Variants in ZNF680 observed in about 807,000 individuals in gnomAD.
The protein encoded by ZNF680 is zinc finger protein 680, also known as hypothetical protein FLJ90430.
In ZNF680, 6 loss-of-function variants were observed where a neutral mutation model predicts 12.1. The observed-to-expected ratio is 0.49, with a 90% CI of 0.27 to 0.98. ZNF680 has a LOEUF of 0.98. ZNF680 is among the 50% of genes least tolerant of loss of function. ZNF680 has a pLI of 0.12. For missense variants in ZNF680, 561 were observed against 616.3 expected (o/e 0.91, Z 0.95); for synonymous variants, 170 against 199.3 (o/e 0.85, Z 1.24).
In ZNF680 at chr7:64,522,379, A is replaced by T; in HGVS notation, c.375T>A (p.Ser125Arg). ...CCTTAGACTCATCCACACTTTTACA[A>T]CTTATTCTTAATTGTAAATTCTCAT... The part of the protein sequence containing the change: ...CGHENLQLRI[S>R]CKSVDESKVF... Residue 125 changes from serine (S) to arginine (R), a missense_variant, in exon 4 of 4, where the codon AGT becomes AGA. By Grantham distance (110) the Ser-to-Arg change is moderately radical. Transcript: ENST00000309683. 4.3e-6 allele frequency: 7 copies of T among 1,611,732 alleles called. No homozygotes were observed. Among genetic ancestry groups the T allele is most frequent in the Non-Finnish European group, 5.9e-6 (7 of 1,178,942 alleles).
intron 1 of ZNF680, among the ~76,000 whole-genome samples, chr7:64,547,599 T>C (rs902740678): frequency 2.9e-4 from 44 of 152,192 alleles, no homozygotes; most frequent in African/African-American, 7.2e-5. Context: ...GAGCCCAGGA[T>C]TTTTATTTCT....
At chr7:64,502,301 T>G in the ZNF680 span, among the ~76,000 whole-genome samples, 102,920 of 151,956 alleles carry the variant, frequency 0.68, 35,846 homozygotes, top group African/African-American at 0.85. Context: ...ATGAGCCACC[T>G]TGCCCGGCCG....
chr7:64,555,588 A>G (rs1223806921), intron 1 of ZNF680, among the ~76,000 whole-genome samples: 1 of 152,192 alleles, frequency 6.6e-6, no homozygotes, highest in East Asian at 1.9e-4. Flanking sequence ...AACATCATGA[A>G]TAAAAGAATG....
the ZNF680 span, among the ~76,000 whole-genome samples, chr7:64,507,578 CGCAA>C: frequency 2.0e-5 from 3 of 151,224 alleles, no homozygotes; most frequent in Admixed American, 2.0e-4. Context: ...AATGGCTCAC[CGCAA>C]CCTCTGTCTC....
At chr7:64,510,207 G>A in the ZNF680 span, among the ~76,000 whole-genome samples, 2 of 134,582 alleles carry the variant, frequency 1.5e-5, no homozygotes, top group South Asian at 2.4e-4. Flanking sequence ...TTAAAGTCTT[G>A]GTGATCCCAT....
At chr7:64,562,101 G>T (rs1396149017) in intron 1 of ZNF680, among the ~76,000 whole-genome samples, 1 of 151,094 alleles carries the variant, frequency 6.6e-6, no homozygotes, top group Non-Finnish European at 1.5e-5. Flanking sequence ...GCATGGTGGC[G>T]GGCGCCTGTA....
At chr7:64,503,856 G>A in the ZNF680 span, among the ~76,000 whole-genome samples, 1 of 152,144 alleles carries the variant, frequency 6.6e-6, no homozygotes, top group Non-Finnish European at 1.5e-5. Context: ...AATGTGGGTA[G>A]AGCTGAGAAT....
At chr7:64,541,772 G>A (rs978128878) in intron 3 of ZNF680, among the ~76,000 whole-genome samples, 1 of 152,188 alleles carries the variant, frequency 6.6e-6, no homozygotes, top group Non-Finnish European at 1.5e-5. Context: ...GTCTGGGAGA[G>A]ACCGTGCCCT....
At chr7:64,535,957 CACAA>C (rs535503700) in intron 3 of ZNF680, among the ~76,000 whole-genome samples, 226 of 151,956 alleles carry the variant, frequency 1.5e-3, no homozygotes, top group Non-Finnish European at 2.5e-3. Context: ...AAAACAAAAA[CACAA>C]ACAAACAAAT....
At chr7:64,525,991 A>C in intron 3 of ZNF680, 4 of 985,174 alleles carry the variant, frequency 4.1e-6, no homozygotes, top group Non-Finnish European at 3.6e-6. Context: ...CACTGTCTTA[A>C]ATTTTACAGA....
intron 1 of ZNF680, among the ~76,000 whole-genome samples, chr7:64,544,829 C>G (rs1427326424): frequency 6.6e-6 from 1 of 152,122 alleles, no homozygotes; most frequent in African/African-American, 2.4e-5. Flanking sequence ...GTACAATAAA[C>G]TGAAGATCTT....
In ZNF680 at chr7:64,529,085, C is replaced by T. The variant is rs188803202; in HGVS notation, c.254-6585G>A. ...CCTAGAAGGGAGATAACAATCAATACAGCTCGGCTCTCAGGAAGCCACATC... is the reference window on the plus strand; with the variant it reads ...CCTAGAAGGGAGATAACAATCAATATAGCTCGGCTCTCAGGAAGCCACATC... On this transcript the variant is annotated intron_variant, in intron 3 of 3. Transcript: ENST00000309683. Among the ~76,000 whole-genome samples the T allele has an allele frequency of 1.2e-3, 180 of 152,232 alleles. 1 individual carries two copies. The highest frequency in any genetic ancestry group is 3.4e-3 in the Middle Eastern group (1 of 294).
At chr7:64,531,505 G>A (rs112359860) in intron 3 of ZNF680, among the ~76,000 whole-genome samples, 34,046 of 150,724 alleles carry the variant, frequency 0.23, 4,022 homozygotes, top group South Asian at 0.28. Context: ...GTTGAGGCAG[G>A]AGAATGGCGT....
chr7:64,505,054 A>G, the ZNF680 span, among the ~76,000 whole-genome samples: 56 of 152,356 alleles, frequency 3.7e-4, no homozygotes, highest in African/African-American at 1.3e-3. Flanking sequence ...CCATCTAAAT[A>G]ATACTCCCTT....
the ZNF680 span, among the ~76,000 whole-genome samples, chr7:64,507,361 T>G: frequency 6.6e-6 from 1 of 152,182 alleles, no homozygotes; most frequent in African/African-American, 2.4e-5. Flanking sequence ...TTTTGAGATC[T>G]ATTGCACAGC....
chr7:64,509,173 A>G, the ZNF680 span, among the ~76,000 whole-genome samples: 2 of 152,186 alleles, frequency 1.3e-5, no homozygotes, highest in Non-Finnish European at 2.9e-5. Context: ...GCCTAAAAAG[A>G]ATTTGGAGTC....
intron 1 of ZNF680, among the ~76,000 whole-genome samples, chr7:64,553,457 C>T (rs1414347741): frequency 6.6e-6 from 1 of 152,200 alleles, no homozygotes; most frequent in African/African-American, 2.4e-5. Flanking sequence ...TTTAGACATG[C>T]TCTTGAAGTC....
the ZNF680 span, among the ~76,000 whole-genome samples, chr7:64,506,661 T>C: frequency 6.6e-6 from 1 of 152,218 alleles, no homozygotes; most frequent in East Asian, 1.9e-4. Flanking sequence ...ACAATGCAAA[T>C]GTATCCAATT....
intron 3 of ZNF680, among the ~76,000 whole-genome samples, chr7:64,530,146 A>T: frequency 6.6e-6 from 1 of 152,240 alleles, no homozygotes; most frequent in East Asian, 1.9e-4. Context: ...AGAACTGCTA[A>T]AAGAGCTCTA....
Sources: allele counts gnomAD v4.1 joint callset (sites outside exome capture counted in the v4.1 genomes callset), GRCh38; gene constraint gnomAD v4.1.1; transcripts MANE v1.5; gene names NCBI Gene and HGNC (gene_info 2026-07-23, HGNC 2026-07-21).